Variants in SHANK2 observed in about 807,000 individuals in gnomAD.
SHANK2 encodes SH3 and multiple ankyrin repeat domains 2.
Under a neutral mutation model 133.7 loss-of-function variants are expected in SHANK2, and 43 were observed. The observed-to-expected ratio is 0.32, with a 90% confidence interval of 0.25 to 0.41. The LOEUF (loss-of-function observed/expected upper bound fraction) is 0.41, where lower values mean the gene tolerates loss of function less well. Among genes scored for constraint, SHANK2 ranks in the 10% least tolerant of loss-of-function variants. The pLI, the probability that SHANK2 is intolerant of heterozygous loss-of-function variation, is 1.00. For missense variants in SHANK2, 1,994 were observed against 2,235.8 expected (o/e 0.89, Z 2.18); for synonymous variants, 1,017 against 952.8 (o/e 1.07, Z -1.24).
intron 14 of SHANK2, among the ~76,000 whole-genome samples, chr11:70,789,884 T>G (rs1947752073): frequency 6.6e-6 from 1 of 152,228 alleles, no homozygotes; most frequent in African/African-American, 2.4e-5. Flanking sequence ...TGCTCACTGA[T>G]AGTCAAGTCT....
chr11:70,636,621 G>A (rs1257624141), intron 17 of SHANK2, among the ~76,000 whole-genome samples: 4 of 152,038 alleles, frequency 2.6e-5, no homozygotes, highest in Non-Finnish European at 5.9e-5. Flanking sequence ...ATGCGAGCAT[G>A]TGTGAGCATG....
chr11:70,894,347 C>T (rs983605194), intron 11 of SHANK2, among the ~76,000 whole-genome samples: 1 of 152,094 alleles, frequency 6.6e-6, no homozygotes, highest in Admixed American at 6.5e-5. Context: ...GCCACCACAC[C>T]CAGCTAATTT....
intron 14 of SHANK2, among the ~76,000 whole-genome samples, chr11:70,781,148 C>A: frequency 6.6e-6 from 1 of 150,598 alleles, no homozygotes; most frequent in East Asian, 1.9e-4. Context: ...GGCTGTGAGA[C>A]CCCGGACCGG....
At chr11:71,059,217 C>T (rs1445824912) in intron 9 of SHANK2, among the ~76,000 whole-genome samples, 7 of 151,438 alleles carry the variant, frequency 4.6e-5, no homozygotes, top group African/African-American at 7.3e-5. Flanking sequence ...AACTCTGTCT[C>T]GAAAAAATAA....
In SHANK2 at chr11:71,188,701, C is replaced by T. The variant is rs1178010636; in HGVS notation, c.-13+35996G>A. On this transcript the variant is annotated intron_variant, in intron 2 of 25. Transcript: ENST00000601538. This position sits in a 1 kb window ranked among gnomAD's most constrained non-coding sequence, Gnocchi z 4.6. ...GTGCTAGAGTGCCCTGCTCACTCATCTGTCGCCCACCACACCTCTCCTCAT... is the reference window on the plus strand; with the variant it reads ...GTGCTAGAGTGCCCTGCTCACTCATTTGTCGCCCACCACACCTCTCCTCAT... Among the ~76,000 whole-genome samples the T allele has an allele frequency of 6.6e-6, 1 of 152,222 alleles. No homozygotes were observed. The highest frequency in any genetic ancestry group is 6.5e-5 in the Admixed American group (1 of 15,288).
chr11:70,702,331 T>TCACCATCAC (rs1555023920), intron 14 of SHANK2, among the ~76,000 whole-genome samples: 15 of 138,762 alleles, frequency 1.1e-4, no homozygotes, highest in Non-Finnish European at 1.7e-4. Context: ...ATCACCATCA[T>TCACCATCAC]CATCACCAAC....
chr11:70,845,725 T>G (rs1948987531), intron 11 of SHANK2, among the ~76,000 whole-genome samples: 1 of 151,562 alleles, frequency 6.6e-6, no homozygotes, highest in Non-Finnish European at 1.5e-5. Flanking sequence ...CGGCCCCGGG[T>G]GAATGAATGC....
chr11:70,852,966 C>A (rs190290526), intron 11 of SHANK2, among the ~76,000 whole-genome samples: 1 of 152,238 alleles, frequency 6.6e-6, no homozygotes, highest in Non-Finnish European at 1.5e-5. Context: ...AGGAAGGCAA[C>A]GTTCCCTGAA....
At chr11:71,176,394 T>C (rs1165650358) in intron 2 of SHANK2, among the ~76,000 whole-genome samples, 1 of 152,112 alleles carries the variant, frequency 6.6e-6, no homozygotes, top group Non-Finnish European at 1.5e-5. Context: ...GAAGAAAATA[T>C]GACCCATAAT....
At chr11:70,836,244 T>G (rs1948813259) in intron 11 of SHANK2, among the ~76,000 whole-genome samples, 1 of 152,192 alleles carries the variant, frequency 6.6e-6, no homozygotes, top group South Asian at 2.1e-4. Flanking sequence ...GCCCTGATTC[T>G]CAGGCCGGCT....
chr11:70,644,719 T>C (rs77296174), intron 17 of SHANK2, among the ~76,000 whole-genome samples: 13,376 of 152,300 alleles, frequency 0.088, 708 homozygotes, highest in East Asian at 0.23. Context: ...TCTCCAGACC[T>C]GCTTGCTAAA....
At chr11:71,130,649 C>G (rs189285490) in intron 3 of SHANK2, among the ~76,000 whole-genome samples, 18 of 152,286 alleles carry the variant, frequency 1.2e-4, no homozygotes, top group Admixed American at 7.2e-4. Flanking sequence ...ATTCAGGGAC[C>G]TCCACCTCTA....
chr11:70,698,818 G>A (rs1555022960), intron 14 of SHANK2, 55 bp from the exon 15 acceptor site: 9 of 717,830 alleles, frequency 1.3e-5, no homozygotes, highest in Non-Finnish European at 1.8e-5. Flanking sequence ...CCCCGAACGC[G>A]GAACCCACAG....
At chr11:70,829,833 C>T (rs1180678429) in intron 11 of SHANK2, among the ~76,000 whole-genome samples, 1 of 152,224 alleles carries the variant, frequency 6.6e-6, no homozygotes, top group African/African-American at 2.4e-5. Context: ...GTGCCCGGTC[C>T]TGGGCCAGGC....
chr11:70,485,667 G>C lies in SHANK2; in HGVS notation c.4626C>G (p.Asp1542Glu). The C allele has an allele frequency of 6.2e-7, 1 of 1,614,110 alleles. No individual in the cohort carries two copies. The highest frequency in any genetic ancestry group is 8.5e-7 in the Non-Finnish European group (1 of 1,180,040). ...TTGGCTTAGGAGGTACTGGGGGTTT[G>C]TCAACCATAAATGCTTGCCCATCTG... ...VYADGQAFMVDKPPVPPKPKM... is the reference protein window; with the variant it reads ...VYADGQAFMVEKPPVPPKPKM... The change falls in exon 25 of 26, where the codon GAC becomes GAG. Residue 1542 changes from aspartate (D) to glutamate (E), a missense_variant. Coordinates refer to ENST00000601538, the MANE Select transcript of SHANK2 (RefSeq NM_012309.5). The surrounding 1 kb of genome is among the most constrained non-coding windows in gnomAD (Gnocchi z 5.8).
intron 21 of SHANK2, among the ~76,000 whole-genome samples, chr11:70,494,926 C>T (rs900478332): frequency 6.6e-6 from 1 of 152,204 alleles, no homozygotes; most frequent in African/African-American, 2.4e-5. Context: ...ATTCCTGGAC[C>T]CACAAGCCCT....
chr11:70,546,028 A>G (rs2059688855), intron 17 of SHANK2, among the ~76,000 whole-genome samples: 1 of 151,926 alleles, frequency 6.6e-6, no homozygotes, highest in South Asian at 2.1e-4. Flanking sequence ...CAGAGCTTCC[A>G]CACCCCCTTG....
intron 3 of SHANK2, among the ~76,000 whole-genome samples, chr11:71,138,409 T>C (rs1555105181): frequency 6.6e-6 from 1 of 152,236 alleles, no homozygotes; most frequent in East Asian, 1.9e-4. Context: ...ATTATGTGCC[T>C]GTGACCAAAA....
intron 14 of SHANK2, among the ~76,000 whole-genome samples, chr11:70,770,302 T>C (rs1947218922): frequency 6.6e-6 from 1 of 152,202 alleles, no homozygotes; most frequent in African/African-American, 2.4e-5. Flanking sequence ...AGTAGGAATC[T>C]TGTATACACA....
Sources: allele counts gnomAD v4.1 joint callset (sites outside exome capture counted in the v4.1 genomes callset), GRCh38; gene constraint gnomAD v4.1.1; non-coding constraint Gnocchi (gnomAD v3.1); transcripts MANE v1.5; gene names NCBI Gene and HGNC (gene_info 2026-07-23, HGNC 2026-07-21).